Variants in PEAK1 observed in about 807,000 individuals in gnomAD.
PEAK1 encodes the protein pseudopodium enriched atypical kinase 1, also known as inactive tyrosine-protein kinase PEAK1.
Under a neutral mutation model 124.7 loss-of-function variants are expected in PEAK1, and 54 were observed. The observed-to-expected ratio is 0.43, with a 90% CI of 0.35 to 0.54. The LOEUF (loss-of-function observed/expected upper bound fraction) is 0.54, where lower values mean the gene tolerates loss of function less well. Among genes scored for constraint, PEAK1 ranks in the 20% least tolerant of loss-of-function variants. PEAK1 has a pLI of 0.01. For missense variants in PEAK1, 2,046 were observed against 2,134.5 expected (o/e 0.96, Z 0.82); for synonymous variants, 719 against 760.0 (o/e 0.95, Z 0.89).
At chr15:77,385,643 T>C (rs967381385) in intron 1 of PEAK1, among the ~76,000 whole-genome samples, 2 of 152,214 alleles carry the variant, frequency 1.3e-5, no homozygotes, top group Non-Finnish European at 2.9e-5. Context: ...GTGCCAAGGC[T>C]GCCTCAATCT....
chr15:77,177,695 T>A (rs999943273), intron 7 of PEAK1: 1 of 152,076 alleles, frequency 6.6e-6, no homozygotes, highest in Non-Finnish European at 1.5e-5. Flanking sequence ...GGCATATCTT[T>A]AAGAATAAAA....
chr15:77,396,364 C>T (rs2070887162), intron 1 of PEAK1, among the ~76,000 whole-genome samples: 1 of 151,764 alleles, frequency 6.6e-6, no homozygotes. Context: ...GAAGAGACGA[C>T]CACAAAACAA....
At chr15:77,203,142 G>A (rs2058453519) in intron 6 of PEAK1, among the ~76,000 whole-genome samples, 1 of 152,032 alleles carries the variant, frequency 6.6e-6, no homozygotes, top group African/African-American at 2.4e-5. Context: ...ATGTTGAGTA[G>A]GCTGAGGAGG....
At chr15:77,122,726 A>C (rs1160433606) in intron 9 of PEAK1, among the ~76,000 whole-genome samples, 1 of 152,170 alleles carries the variant, frequency 6.6e-6, no homozygotes, top group Non-Finnish European at 1.5e-5. Context: ...GATGGCCATG[A>C]GTATGTGTAG....
In PEAK1 at chr15:77,112,023, C is replaced by T. The variant is rs988017715; in HGVS notation, c.*2133G>A. On this transcript the variant is annotated 3_prime_UTR_variant, in exon 10 of 10. Coordinates refer to ENST00000682557, the MANE Select transcript of PEAK1 (RefSeq NM_001385026.1). The stretch of plus-strand genomic sequence containing the variant: ...CTAAGATGAACCAAACACCAACCTT[C>T]AAGGCAAGGCGCGGCCATGCCACAG... The T allele has an allele frequency of 2.0e-5, 3 of 152,298 alleles. No individual in the cohort carries two copies. The highest frequency in any genetic ancestry group is 7.2e-5 in the African/African-American group (3 of 41,460). 9.4% of individuals were successfully genotyped at this position (152,298 alleles called of 1,614,324 possible).
chr15:77,360,530 A>G (rs2067820569), intron 2 of PEAK1, among the ~76,000 whole-genome samples: 1 of 152,172 alleles, frequency 6.6e-6, no homozygotes, highest in African/African-American at 2.4e-5. Context: ...ATAGGTTTGA[A>G]CTGTGTAGGT....
At chr15:77,188,125 C>G (rs1285546256) in intron 6 of PEAK1, among the ~76,000 whole-genome samples, 1 of 152,074 alleles carries the variant, frequency 6.6e-6, no homozygotes, top group Non-Finnish European at 1.5e-5. Context: ...GTAAAAGGGA[C>G]TTTCTTGAGA....
chr15:77,272,286 A>G (rs1555463314), intron 5 of PEAK1, among the ~76,000 whole-genome samples: 1 of 152,134 alleles, frequency 6.6e-6, no homozygotes, highest in Non-Finnish European at 1.5e-5. Context: ...TGAAATTCAA[A>G]CAAACAAAAA....
intron 1 of PEAK1, among the ~76,000 whole-genome samples, chr15:77,406,175 T>G (rs571295196): frequency 6.6e-6 from 1 of 152,286 alleles, no homozygotes; most frequent in South Asian, 2.1e-4. Flanking sequence ...ATAGCTGAAT[T>G]AAGACCCAGC....
intron 2 of PEAK1, among the ~76,000 whole-genome samples, chr15:77,327,139 A>G (rs1278922210): frequency 6.6e-6 from 1 of 152,174 alleles, no homozygotes; most frequent in Non-Finnish European, 1.5e-5. Context: ...ATAAATGAGT[A>G]ACCTGGATTT....
At chr15:77,143,902 TAAG>T (rs369502216) in intron 8 of PEAK1, among the ~76,000 whole-genome samples, 6 of 152,324 alleles carry the variant, frequency 3.9e-5, no homozygotes, top group African/African-American at 1.4e-4. Context: ...ATGGAATAAA[TAAG>T]AAAACTAGAA....
At chr15:77,341,955 C>G (rs1396764616) in intron 2 of PEAK1, among the ~76,000 whole-genome samples, 2 of 151,748 alleles carry the variant, frequency 1.3e-5, no homozygotes, top group African/African-American at 4.8e-5. Flanking sequence ...TTTTTTAGAA[C>G]AGTTTTAGAT....
chr15:77,399,983 T>C (rs878972983), intron 1 of PEAK1, among the ~76,000 whole-genome samples: 2 of 152,092 alleles, frequency 1.3e-5, no homozygotes, highest in Non-Finnish European at 2.9e-5. Flanking sequence ...AATCTAATAA[T>C]CTGATTTTAA....
intron 2 of PEAK1, among the ~76,000 whole-genome samples, chr15:77,345,111 T>C (rs1462550744): frequency 2.6e-5 from 4 of 152,144 alleles, no homozygotes; most frequent in Non-Finnish European, 4.4e-5. Flanking sequence ...CCTTGCCTTG[T>C]CCCTGGATCT....
intron 5 of PEAK1, among the ~76,000 whole-genome samples, chr15:77,262,574 A>G (rs912066905): frequency 6.6e-6 from 1 of 151,884 alleles, no homozygotes; most frequent in Non-Finnish European, 1.5e-5. Context: ...CTAAATATAT[A>G]TGCACCCAAT....
intron 2 of PEAK1, among the ~76,000 whole-genome samples, chr15:77,312,307 A>C (rs1045074035): frequency 3.3e-5 from 5 of 152,224 alleles, no homozygotes; most frequent in Admixed American, 3.3e-4. Flanking sequence ...ATAGTTACTC[A>C]TGTAATTATC....
chr15:77,114,727 G>A lies in PEAK1; in HGVS notation c.4670C>T (p.Ser1557Phe), dbSNP rs1309079973. The A allele has an allele frequency of 5.0e-6, 8 of 1,613,414 alleles. No homozygotes were observed. Among genetic ancestry groups the A allele is most frequent in the African/African-American group, 1.3e-5 (1 of 74,820 alleles). ...CAGATGGCTCTTCTGCTTGGCCTGAGAGAAGTTGCTCACTATAAGCCTAGT... is the reference window on the plus strand; with the variant it reads ...CAGATGGCTCTTCTGCTTGGCCTGAAAGAAGTTGCTCACTATAAGCCTAGT... The part of the protein sequence containing the change: ...YPTRLIVSNF[S>F]QAKQKSHLVD... The change falls in exon 10 of 10, where the codon TCT (serine) becomes TTT (phenylalanine). Residue 1557 changes from serine to phenylalanine, a missense_variant. Transcript: ENST00000682557.
intron 1 of PEAK1, chr15:77,419,379 T>A (rs1567380964): frequency 2.0e-6 from 2 of 984,182 alleles, no homozygotes; most frequent in Non-Finnish European, 2.4e-6. Flanking sequence ...AACGGATGGG[T>A]CAAAGGGCAG....
chr15:77,297,459 T>C (rs552704219), intron 2 of PEAK1, among the ~76,000 whole-genome samples: 59 of 151,788 alleles, frequency 3.9e-4, no homozygotes, highest in Admixed American at 7.2e-4. Context: ...TTGGAGGAAT[T>C]CAATCACCTC....
Sources: gnomAD v4.1 joint callset for allele counts (sites outside exome capture counted in the v4.1 genomes callset) on GRCh38, gnomAD v4.1.1 for gene constraint, MANE v1.5 for transcripts, NCBI Gene and HGNC (gene_info 2026-07-23, HGNC 2026-07-21) for gene names.